The following RAD51B variants were observed in gnomAD, a reference collection of about 807,000 sequenced individuals.
RAD51B encodes the protein RAD51 paralog B.
RAD51B carries 38 observed loss-of-function variants against 42.2 expected under a neutral mutation model. The ratio of observed to expected loss-of-function variants is 0.90; its 90% confidence interval spans 0.70 to 1.18. The LOEUF is 1.18. Ranked by LOEUF, RAD51B falls within the 50% of genes most tolerant of loss-of-function variation. The pLI is 0.00. For synonymous variants in RAD51B, 154 were observed against 145.2 expected, an observed-to-expected ratio of 1.06 and a Z score of -0.43; for missense variants, 373 against 400.7, an observed-to-expected ratio of 0.93 and a Z score of 0.59.
chr14:67,965,661 C>T (rs372487486), intron 7 of RAD51B, among the ~76,000 whole-genome samples: 5 of 152,144 alleles, frequency 3.3e-5, no homozygotes, highest in Middle Eastern at 3.4e-3. Context: ...CATTGCCAGA[C>T]GCACACACAC....
intron 7 of RAD51B, among the ~76,000 whole-genome samples, chr14:68,060,856 T>G (rs1206624573): frequency 6.6e-6 from 1 of 152,190 alleles, no homozygotes; most frequent in Admixed American, 6.5e-5. Context: ...ATGTGTGTTT[T>G]TAGTGCCTTT....
chr14:68,036,549 A>T (rs2076125675), intron 7 of RAD51B, among the ~76,000 whole-genome samples: 1 of 152,140 alleles, frequency 6.6e-6, no homozygotes, highest in Admixed American at 6.5e-5. Flanking sequence ...GAGTGCCTTT[A>T]TTTCCTGGGA....
At chr14:68,151,088 G>A (rs2078369514) in intron 7 of RAD51B, among the ~76,000 whole-genome samples, 2 of 152,068 alleles carry the variant, frequency 1.3e-5, no homozygotes, top group South Asian at 2.1e-4. Context: ...GTCTTGTGGT[G>A]TAGGTCTCCT....
intron 7 of RAD51B, among the ~76,000 whole-genome samples, chr14:68,280,420 G>A (rs549590647): frequency 6.6e-6 from 1 of 152,256 alleles, no homozygotes; most frequent in African/African-American, 2.4e-5. Flanking sequence ...GGTAGACCAG[G>A]TCTGCGTCTG....
chr14:67,854,950 C>A (rs2041939279), intron 4 of RAD51B, among the ~76,000 whole-genome samples: 2 of 152,286 alleles, frequency 1.3e-5, no homozygotes, highest in South Asian at 4.1e-4. Context: ...GGGGTGAGAT[C>A]CTGTATCTTA....
intron 7 of RAD51B, among the ~76,000 whole-genome samples, chr14:67,977,173 G>T (rs536931635): frequency 7.4e-4 from 113 of 152,248 alleles, no homozygotes; most frequent in African/African-American, 2.7e-3. Flanking sequence ...TTTCCAACTA[G>T]AATTCCAATT....
intron 8 of RAD51B, among the ~76,000 whole-genome samples, chr14:68,292,452 T>C (rs1359582784): frequency 6.6e-6 from 1 of 152,130 alleles, no homozygotes; most frequent in East Asian, 1.9e-4. Context: ...TCTGCAAAAT[T>C]TTCTCCACCC....
intron 10 of RAD51B, among the ~76,000 whole-genome samples, chr14:68,591,266 G>A (rs1056817163): frequency 3.9e-5 from 6 of 152,176 alleles, no homozygotes. Context: ...CCAGAAGTAG[G>A]AGCAAGAAGA....
intron 7 of RAD51B, among the ~76,000 whole-genome samples, chr14:68,237,520 A>G (rs1035927563): frequency 6.6e-6 from 1 of 152,166 alleles, no homozygotes; most frequent in African/African-American, 2.4e-5. Context: ...TGTCATTATC[A>G]AGTTTGAGAA....
intron 7 of RAD51B, among the ~76,000 whole-genome samples, chr14:68,177,768 A>G (rs766471117): frequency 4.6e-5 from 7 of 152,132 alleles, no homozygotes; most frequent in Non-Finnish European, 8.8e-5. Flanking sequence ...GAGATGTTCA[A>G]GCTTTCTGGC....
At position 67,897,000 on chromosome 14, in the gene RAD51B, C is replaced by T. The variant is rs568221740; in HGVS notation, c.756+9796C>T. Among the ~76,000 whole-genome samples the T allele has an allele frequency of 4.6e-5, 7 of 152,256 alleles. No homozygotes were observed. In the East Asian group the frequency reaches 1.3e-3, roughly 29 times the overall value. On this transcript the variant is annotated intron_variant, in intron 7 of 10. Transcript: ENST00000471583. ...TCAAGAATACACAAGGGGGAAAGGA[C>T]AGCCTCTTCAATAAACGGTGTCAGG... is the stretch of plus-strand genomic sequence containing the variant.
chr14:68,541,595 C>T (rs1362575686), intron 10 of RAD51B: 2 of 985,266 alleles, frequency 2.0e-6, no homozygotes, highest in Non-Finnish European at 2.4e-6. Context: ...TTTTCTCATC[C>T]CTGAAATTTG....
chr14:67,878,822 C>T (rs2042812231), intron 5 of RAD51B, among the ~76,000 whole-genome samples: 1 of 152,066 alleles, frequency 6.6e-6, no homozygotes, highest in Admixed American at 6.6e-5. Flanking sequence ...TACTCAGCCT[C>T]CCGAATAGTT....
intron 7 of RAD51B, among the ~76,000 whole-genome samples, chr14:68,020,003 G>T (rs943828528): frequency 2.6e-5 from 4 of 152,132 alleles, no homozygotes; most frequent in African/African-American, 9.7e-5. Context: ...TTGTCTTTTG[G>T]CTGAGCATAG....
chr14:67,992,118 G>A (rs955543488), intron 7 of RAD51B, among the ~76,000 whole-genome samples: 10 of 152,046 alleles, frequency 6.6e-5, no homozygotes, highest in African/African-American at 1.4e-4. Flanking sequence ...TCTATGCATC[G>A]GACTATTTTG....
chr14:68,298,413 A>G (rs2081654677), intron 8 of RAD51B, among the ~76,000 whole-genome samples: 1 of 152,176 alleles, frequency 6.6e-6, no homozygotes, highest in African/African-American at 2.4e-5. Context: ...AGTTTGTCAA[A>G]AGGAGGCACA....
At chr14:68,466,153 T>G (rs1344986759) in intron 9 of RAD51B, among the ~76,000 whole-genome samples, 1 of 152,152 alleles carries the variant, frequency 6.6e-6, no homozygotes, top group East Asian at 1.9e-4. Flanking sequence ...CTTTAGAACA[T>G]TTGTAAAAAT....
chr14:67,963,965 G>A (rs1212690775), intron 7 of RAD51B, among the ~76,000 whole-genome samples: 2 of 151,688 alleles, frequency 1.3e-5, no homozygotes, highest in African/African-American at 4.8e-5. Flanking sequence ...TTTATACATA[G>A]GGAAACCAAA....
In RAD51B at chr14:67,842,835, G is replaced by T. The variant is rs559784430; in HGVS notation, c.315+7639G>T. On this transcript the variant is annotated intron_variant, in intron 4 of 10. Transcript: ENST00000471583. ...CATAAATGGGTCTTAGTATTTTGAG[G>T]TATGTTCATTTCGATGCCTAGTCTG... is the stretch of plus-strand genomic sequence containing the variant. 1.5e-4 allele frequency among the ~76,000 whole-genome samples: 23 copies of T among 152,244 alleles called. No homozygotes were observed. The South Asian group carries it at 1.7e-3, about 11-fold the overall frequency.
Sources: gnomAD v4.1 joint callset for allele counts (sites outside exome capture counted in the v4.1 genomes callset) on GRCh38, gnomAD v4.1.1 for gene constraint, MANE v1.5 for transcripts, NCBI Gene and HGNC (gene_info 2026-07-23, HGNC 2026-07-21) for gene names.